COL25A1: variants seen among roughly 807,000 people sequenced by gnomAD.
COL25A1 encodes collagen type XXV alpha 1 chain.
In COL25A1, 103 loss-of-function variants were observed where a neutral mutation model predicts 128.4. The observed-to-expected ratio is 0.80, with a 90% CI of 0.68 to 0.94. COL25A1 has a LOEUF of 0.94. Among genes scored for constraint, COL25A1 ranks in the 40% least tolerant of loss-of-function variants. The probability of loss-of-function intolerance (pLI) is 0.00; values close to 1 mark genes in which losing one functional copy is unlikely to be tolerated. For synonymous variants in COL25A1, 279 were observed against 277.2 expected, an observed-to-expected ratio of 1.01 and a Z score of -0.06; for missense variants, 745 against 840.0, an observed-to-expected ratio of 0.89 and a Z score of 1.40.
chr4:108,838,022 G>T, intron 31 of COL25A1: 1 of 1,009,542 alleles, frequency 9.9e-7, no homozygotes, highest in Non-Finnish European at 1.5e-6. Flanking sequence ...GAGCTGCTGA[G>T]TAAACCAGAG....
At chr4:108,898,010 T>C (rs1387550269) in intron 15 of COL25A1, among the ~76,000 whole-genome samples, 2 of 152,126 alleles carry the variant, frequency 1.3e-5, no homozygotes, top group Non-Finnish European at 2.9e-5. Flanking sequence ...CTAATTAATT[T>C]CAGGTTAATT....
chr4:108,944,889 A>C (rs757548547), intron 8 of COL25A1, among the ~76,000 whole-genome samples: 4 of 152,194 alleles, frequency 2.6e-5, no homozygotes, highest in Non-Finnish European at 4.4e-5. Flanking sequence ...TTAGGTGTTT[A>C]GTGCTACATT....
chr4:108,990,133 A>C (rs1282617564), intron 6 of COL25A1, among the ~76,000 whole-genome samples: 4 of 144,400 alleles, frequency 2.8e-5, no homozygotes, highest in African/African-American at 1.0e-4. Flanking sequence ...AATCGCTTGA[A>C]TCCGGGAGGC....
chr4:109,198,168 T>A (rs1776274553), intron 3 of COL25A1, among the ~76,000 whole-genome samples: 1 of 152,068 alleles, frequency 6.6e-6, no homozygotes, highest in Admixed American at 6.6e-5. Flanking sequence ...TGATTCCTTC[T>A]TTCGTGGACT....
intron 3 of COL25A1, among the ~76,000 whole-genome samples, chr4:109,142,991 T>G (rs181795726): frequency 1.3e-5 from 2 of 152,358 alleles, no homozygotes; most frequent in African/African-American, 4.8e-5. Flanking sequence ...TTGATGCAGT[T>G]TCTTCATAGT....
chr4:109,001,294 G>A (rs1490257689), intron 6 of COL25A1, among the ~76,000 whole-genome samples: 1 of 27,572 alleles, frequency 3.6e-5, no homozygotes, highest in African/African-American at 7.2e-5. Context: ...TTGCCTCCCT[G>A]CAGCAATGAG....
Position 109,105,256 on chromosome 4 carries a change from T to C in COL25A1, c.368-55077A>G, listed in dbSNP as rs202134744. ...TGGGAGGCCGAGGCAGGTGGATCAC[T>C]TGAGGTCAGGAGTTCGAGACCAGCC... On this transcript the variant is annotated intron_variant, in intron 3 of 37. Coordinates refer to ENST00000399132, the MANE Select transcript of COL25A1 (RefSeq NM_198721.4). Among the ~76,000 whole-genome samples the C allele has an allele frequency of 3.9e-5, 6 of 152,200 alleles. No individual in the cohort carries two copies. In the East Asian group the frequency reaches 9.7e-4, roughly 25 times the overall value.
intron 3 of COL25A1, among the ~76,000 whole-genome samples, chr4:109,067,455 T>A (rs1307320143): frequency 6.6e-6 from 1 of 152,216 alleles, no homozygotes; most frequent in Non-Finnish European, 1.5e-5. Flanking sequence ...AATATTTTTG[T>A]CTTCACTGCA....
intron 9 of COL25A1, 34 bp from the exon 10 acceptor site, chr4:108,940,680 C>T: frequency 7.1e-7 from 1 of 1,399,896 alleles, no homozygotes; most frequent in Non-Finnish European, 9.7e-7. Context: ...CAGCAATAAC[C>T]ATGAAAGATA....
intron 3 of COL25A1, among the ~76,000 whole-genome samples, chr4:109,206,254 A>G (rs1350493098): frequency 3.9e-5 from 6 of 152,142 alleles, no homozygotes; most frequent in Non-Finnish European, 8.8e-5. Flanking sequence ...AAGTACTTTT[A>G]TCTATTCAGA....
rs376450358 is a variant in COL25A1 at position 108,973,497 on chromosome 4, T to C, written c.492+870A>G. Among the ~76,000 whole-genome samples, 47 of 152,338 alleles carry C rather than the reference T, an allele frequency of 3.1e-4. No individual in the cohort carries two copies. The South Asian group carries it at 9.7e-3, about 32-fold the overall frequency. ...CAAAAATATCTCTATGCAGTATAAA[T>C]GCATTTAATAAGTAACTAAGCACAG... On this transcript the variant is annotated intron_variant, in intron 8 of 37. Transcript: ENST00000399132.
At chr4:109,022,670 G>C (rs956870266) in intron 5 of COL25A1, among the ~76,000 whole-genome samples, 2 of 152,162 alleles carry the variant, frequency 1.3e-5, no homozygotes, top group Non-Finnish European at 2.9e-5. Context: ...TGATATTGAA[G>C]GTAACAAAGC....
At chr4:109,117,732 T>C (rs1767740496) in intron 3 of COL25A1, among the ~76,000 whole-genome samples, 1 of 151,960 alleles carries the variant, frequency 6.6e-6, no homozygotes, top group Non-Finnish European at 1.5e-5. Flanking sequence ...ATAAGAGAAA[T>C]GACAGCAATG....
intron 3 of COL25A1, among the ~76,000 whole-genome samples, chr4:109,165,608 T>C (rs531890258): frequency 5.9e-5 from 9 of 152,194 alleles, no homozygotes; most frequent in Middle Eastern, 6.8e-3. Flanking sequence ...TCCCAGCTAC[T>C]TGGGAGGCTG....
chr4:109,236,236 A>G lies in COL25A1; in HGVS notation c.367+64347T>C, dbSNP rs562006417. 9.8e-4 allele frequency among the ~76,000 whole-genome samples: 149 copies of G among 152,214 alleles called. 1 individual carries two copies. Among genetic ancestry groups the G allele is most frequent in the African/African-American group, 3.5e-3 (144 of 41,558 alleles). Reference sequence around the variant, plus strand: ...ATATCACTTTAAATTAGAAGCTCCCATATGCATTTAAAACATTTAATTTAT... The same window carrying G: ...ATATCACTTTAAATTAGAAGCTCCCGTATGCATTTAAAACATTTAATTTAT... On this transcript the variant is annotated intron_variant, in intron 3 of 37. Transcript: ENST00000399132.
chr4:109,065,545 C>CGCGCGCGCGCGCGCGT (rs771855567), intron 3 of COL25A1, among the ~76,000 whole-genome samples: 1 of 141,132 alleles, frequency 7.1e-6, no homozygotes, highest in African/African-American at 2.7e-5. Flanking sequence ...CGCGCGCGCG[C>CGCGCGCGCGCGCGCGT]GTGTGTGTGT....
At chr4:109,058,155 ATGAGGTC>A (rs1325689233) in intron 3 of COL25A1, among the ~76,000 whole-genome samples, 3 of 152,182 alleles carry the variant, frequency 2.0e-5, no homozygotes, top group African/African-American at 7.2e-5. Flanking sequence ...ATTGACTTTA[ATGAGGTC>A]TGATGTGGCA....
chr4:109,019,939 ATAT>A (rs1190208443), intron 5 of COL25A1, among the ~76,000 whole-genome samples: 8 of 152,346 alleles, frequency 5.3e-5, no homozygotes, highest in Admixed American at 4.6e-4. Flanking sequence ...TAACTTGAAA[ATAT>A]TATATCAAAT....
chr4:109,071,644 A>C (rs1762982681), intron 3 of COL25A1, among the ~76,000 whole-genome samples: 1 of 152,244 alleles, frequency 6.6e-6, no homozygotes, highest in Non-Finnish European at 1.5e-5. Context: ...AAAGGTTATG[A>C]ACAGACACTT....
Sources: gnomAD v4.1 joint callset for allele counts (sites outside exome capture counted in the v4.1 genomes callset) on GRCh38, gnomAD v4.1.1 for gene constraint, MANE v1.5 for transcripts, NCBI Gene and HGNC (gene_info 2026-07-23, HGNC 2026-07-21) for gene names.